Variants in SSBP2 observed in about 807,000 individuals in gnomAD.
SSBP2 encodes single stranded DNA binding protein 2, also known as single-stranded DNA-binding protein 2.
Under a neutral mutation model 61.8 loss-of-function variants are expected in SSBP2, and 17 were observed. The ratio of observed to expected loss-of-function variants is 0.28; its 90% CI spans 0.19 to 0.41. The LOEUF (loss-of-function observed/expected upper bound fraction) is 0.41, where lower values mean the gene tolerates loss of function less well. Among genes scored for constraint, SSBP2 ranks in the 10% least tolerant of loss-of-function variants. SSBP2 has a pLI of 1.00. For missense variants in SSBP2, 310 were observed against 458.7 expected (o/e 0.68, Z 2.96); for synonymous variants, 139 against 141.3 (o/e 0.98, Z 0.12).
At chr5:81,428,502 G>A (rs1440266156) in intron 16 of SSBP2, 83 bp downstream of exon 16, 1 of 1,002,256 alleles carries the variant, frequency 1.0e-6, no homozygotes, top group African/African-American at 1.6e-5. Flanking sequence ...ATAAACAGCA[G>A]TAAAAGTGGC....
At position 81,417,206 on chromosome 5, in the gene SSBP2, T is replaced by A. The variant is rs1761343760; in HGVS notation, c.*3298A>T. The A allele has an allele frequency of 6.6e-6, 1 of 152,164 alleles. No individual in the cohort carries two copies. Among genetic ancestry groups the A allele is most frequent in the Non-Finnish European group, 1.5e-5 (1 of 68,044 alleles). 9.4% of individuals were successfully genotyped at this position (152,164 alleles called of 1,614,324 possible). ...GGATTCCTAGCTGTGAACTTCCTCT[T>A]TATCAGCAACTGACTCCATACTGGA... On this transcript the variant is annotated 3_prime_UTR_variant, in exon 17 of 17. Coordinates refer to ENST00000320672, the MANE Select transcript of SSBP2 (RefSeq NM_012446.5).
chr5:81,464,903 G>A (rs561797870), intron 9 of SSBP2, among the ~76,000 whole-genome samples: 1 of 152,082 alleles, frequency 6.6e-6, no homozygotes, highest in East Asian at 1.9e-4. Context: ...ACATTATAAA[G>A]TGAATTTCAA....
chr5:81,637,131 C>A (rs976150180), intron 2 of SSBP2, among the ~76,000 whole-genome samples: 6 of 152,206 alleles, frequency 3.9e-5, no homozygotes, highest in African/African-American at 1.4e-4. Context: ...CCCACACAAC[C>A]AGAACCAGTC....
intron 4 of SSBP2, among the ~76,000 whole-genome samples, chr5:81,521,131 TC>T (rs1769449447): frequency 6.6e-6 from 1 of 152,056 alleles, no homozygotes; most frequent in African/African-American, 2.4e-5. Context: ...AAAAAAACTT[TC>T]TTTATCCTAT....
intron 5 of SSBP2, among the ~76,000 whole-genome samples, chr5:81,499,248 CA>C (rs1401603062): frequency 6.6e-6 from 1 of 152,168 alleles, no homozygotes; most frequent in African/African-American, 2.4e-5. Context: ...AACTGTAAAG[CA>C]ATGACAGATC....
At chr5:81,650,782 T>C (rs147839270) in intron 1 of SSBP2, among the ~76,000 whole-genome samples, 1 of 152,274 alleles carries the variant, frequency 6.6e-6, no homozygotes, top group East Asian at 1.9e-4. Flanking sequence ...TGTAGAAACA[T>C]ATGCCACAAC....
At chr5:81,610,667 A>G (rs1745352048) in intron 4 of SSBP2, among the ~76,000 whole-genome samples, 1 of 152,252 alleles carries the variant, frequency 6.6e-6, no homozygotes, top group Non-Finnish European at 1.5e-5. Context: ...AATAAATGCA[A>G]CAAAATCTAT....
At chr5:81,743,582 G>A (rs1172197558) in intron 1 of SSBP2, among the ~76,000 whole-genome samples, 1 of 152,110 alleles carries the variant, frequency 6.6e-6, no homozygotes, top group Non-Finnish European at 1.5e-5. Flanking sequence ...CATCTTCCTT[G>A]CTAAAGATCC....
At chr5:81,648,605 C>T (rs1412326538) in intron 2 of SSBP2, among the ~76,000 whole-genome samples, 1 of 152,022 alleles carries the variant, frequency 6.6e-6, no homozygotes, top group East Asian at 1.9e-4. Flanking sequence ...CTGGTGAGAT[C>T]ACCAGAGATA....
At chr5:81,518,063 G>A (rs976644827) in intron 4 of SSBP2, among the ~76,000 whole-genome samples, 1 of 152,062 alleles carries the variant, frequency 6.6e-6, no homozygotes, top group Non-Finnish European at 1.5e-5. Context: ...GAATGCTAGA[G>A]AACTGTTTGC....
intron 1 of SSBP2, among the ~76,000 whole-genome samples, chr5:81,725,393 AACT>A (rs1176471479): frequency 2.6e-5 from 4 of 152,156 alleles, no homozygotes; most frequent in Admixed American, 6.6e-5. Context: ...AGGAAAAGAG[AACT>A]ACTATGTACT....
chr5:81,635,778 G>T (rs1445862222), intron 3 of SSBP2, among the ~76,000 whole-genome samples: 1 of 151,936 alleles, frequency 6.6e-6, no homozygotes, highest in Non-Finnish European at 1.5e-5. Flanking sequence ...TAGAGACGGG[G>T]TTTCGCTGTG....
chr5:81,621,874 C>T (rs1487057391), intron 3 of SSBP2, among the ~76,000 whole-genome samples: 1 of 126,282 alleles, frequency 7.9e-6, no homozygotes, highest in African/African-American at 3.1e-5. Context: ...CCAAACACCG[C>T]ATATTCTCAC....
chr5:81,433,598 A>G lies in SSBP2; in HGVS notation c.957+3832T>C, dbSNP rs1762480280. Reference sequence around the variant, plus strand: ...AACACCCAAGAATGATCAATAAAAAAAAAAAAAAAAAGAAAGAAAACAAAC... The same window carrying G: ...AACACCCAAGAATGATCAATAAAAAGAAAAAAAAAAAGAAAGAAAACAAAC... On this transcript the variant is annotated intron_variant, in intron 15 of 16. Coordinates refer to ENST00000320672, the MANE Select transcript of SSBP2 (RefSeq NM_012446.5). 2.0e-5 allele frequency among the ~76,000 whole-genome samples: 3 copies of G among 151,462 alleles called. No individual in the cohort carries two copies. In the South Asian group the frequency reaches 6.2e-4, roughly 31 times the overall value.
intron 4 of SSBP2, among the ~76,000 whole-genome samples, chr5:81,582,257 A>G (rs1479026033): frequency 6.6e-6 from 1 of 152,166 alleles, no homozygotes; most frequent in African/African-American, 2.4e-5. Context: ...ATTTAACAAG[A>G]CTATGTTTTC....
intron 4 of SSBP2, among the ~76,000 whole-genome samples, chr5:81,612,341 G>A (rs1481301307): frequency 6.6e-6 from 1 of 152,060 alleles, no homozygotes; most frequent in African/African-American, 2.4e-5. Flanking sequence ...AAGTTTTTTA[G>A]TTTCCCATCT....
At chr5:81,452,021 TG>T (rs1318941545) in intron 10 of SSBP2, among the ~76,000 whole-genome samples, 7 of 152,174 alleles carry the variant, frequency 4.6e-5, no homozygotes, top group African/African-American at 1.7e-4. Flanking sequence ...ACATTTGAGC[TG>T]GACAGTTGGG....
intron 4 of SSBP2, among the ~76,000 whole-genome samples, chr5:81,548,043 A>G (rs1215044014): frequency 6.6e-6 from 1 of 152,196 alleles, no homozygotes; most frequent in Non-Finnish European, 1.5e-5. Context: ...TACGTATCCC[A>G]GAACTTAAAG....
In SSBP2 at chr5:81,544,702, A is replaced by G. The variant is rs75073627; in HGVS notation, c.283-30985T>C. On this transcript the variant is annotated intron_variant, in intron 4 of 16. Coordinates refer to ENST00000320672, the MANE Select transcript of SSBP2 (RefSeq NM_012446.5). ...ACAGAAAAATAAAAACAATAATGTC[A>G]CTGATTTAGTGAACAAAGAAAGGAA... is the stretch of plus-strand genomic sequence containing the variant. Among the ~76,000 whole-genome samples the G allele has an allele frequency of 9.8e-5, 15 of 152,308 alleles. No homozygotes were observed. The East Asian group carries it at 2.9e-3, about 29-fold the overall frequency.
Sources: gnomAD v4.1 joint callset for allele counts (sites outside exome capture counted in the v4.1 genomes callset) on GRCh38, gnomAD v4.1.1 for gene constraint, MANE v1.5 for transcripts, NCBI Gene and HGNC (gene_info 2026-07-23, HGNC 2026-07-21) for gene names.